FAM131B: variants seen among roughly 807,000 people sequenced by gnomAD.
FAM131B encodes the protein family with sequence similarity 131 member B.
A neutral mutation model predicts 42.0 loss-of-function variants in FAM131B; 19 were observed. The ratio of observed to expected loss-of-function variants is 0.45; its 90% CI spans 0.32 to 0.66. The LOEUF is 0.66. FAM131B is among the 30% of genes least tolerant of loss of function. The pLI, the probability that FAM131B is intolerant of heterozygous loss-of-function variation, is 0.05. For synonymous variants in FAM131B, 183 were observed against 177.6 expected (o/e 1.03, Z -0.24); for missense variants, 370 against 468.4 (o/e 0.79, Z 1.94).
the FAM131B span, among the ~76,000 whole-genome samples, chr7:143,377,684 G>A: frequency 1.3e-5 from 2 of 152,042 alleles, no homozygotes. Flanking sequence ...TGATTAGAAG[G>A]GGCGAATATA....
At chr7:143,381,096 C>T in the FAM131B span, 1 of 603,294 alleles carries the variant, frequency 1.7e-6, no homozygotes, top group Non-Finnish European at 2.1e-6. Flanking sequence ...CGGGCTGGGG[C>T]GGCGGGGGCG....
the FAM131B span, among the ~76,000 whole-genome samples, chr7:143,378,715 T>C: frequency 3.3e-5 from 5 of 152,262 alleles, no homozygotes; most frequent in African/African-American, 1.2e-4. Flanking sequence ...TAGCTGGGAC[T>C]ACACGCTCCC....
the FAM131B span, among the ~76,000 whole-genome samples, chr7:143,375,031 T>A: frequency 6.6e-6 from 1 of 152,220 alleles, no homozygotes; most frequent in Admixed American, 6.5e-5. Context: ...AGGGCTGAGA[T>A]CATGCCTGTC....
At position 143,360,176 on chromosome 7, in the gene FAM131B, G is replaced by A. The variant is rs775841881; in HGVS notation, c.29-27C>T. The stretch of plus-strand genomic sequence containing the variant: ...TGAGGGGGCCAGAAGGTTAGCCGCC[G>A]GCCCTCACCTCCCTGTGCAGCCGAG... On this transcript the variant is annotated intron_variant, in intron 1 of 6. Coordinates refer to ENST00000443739, the MANE Select transcript of FAM131B (RefSeq NM_001031690.3). 2.7e-5 allele frequency: 42 copies of A among 1,579,084 alleles called. No homozygotes were observed. In the Admixed American group the frequency reaches 5.2e-4, roughly 20 times the overall value.
chr7:143,354,978 C>CAGAA lies in FAM131B; in HGVS notation c.*1571_*1572insTTCT, dbSNP rs3841180. 6 of 152,260 alleles carry CAGAA rather than the reference C, an allele frequency of 3.9e-5. No homozygotes were observed. The highest frequency in any genetic ancestry group is 3.4e-3 in the Middle Eastern group (1 of 292). 9.4% of individuals were successfully genotyped at this position (152,260 alleles called of 1,614,324 possible). A position where few individuals can be genotyped will look rare whatever the true frequency, so the allele number is the denominator to read the frequency against. On this transcript the variant is annotated 3_prime_UTR_variant, in exon 7 of 7. Coordinates refer to ENST00000443739, the MANE Select transcript of FAM131B (RefSeq NM_001031690.3). ...GGCCAGGAGAGGACAACAGTGCTCC[C>CAGAA]TTCCAGCAGAGGATGCAAGTGGTAG... is the stretch of plus-strand genomic sequence containing the variant.
At position 143,360,029 on chromosome 7, in the gene FAM131B, T is replaced by A; in HGVS notation, c.138+11A>T. 6.2e-7 allele frequency: 1 copy of A among 1,600,958 alleles called. No homozygotes were observed. The highest frequency in any genetic ancestry group is 8.6e-7 in the Non-Finnish European group (1 of 1,168,672). On this transcript the variant is annotated intron_variant, in intron 2 of 6. Coordinates refer to ENST00000443739, the MANE Select transcript of FAM131B (RefSeq NM_001031690.3). ...CAGCCAGAGACTTGGGGTGGCTGAGTGAGGTCTCACCTCAGTCGATGGCCG... is the reference window on the plus strand; with the variant it reads ...CAGCCAGAGACTTGGGGTGGCTGAGAGAGGTCTCACCTCAGTCGATGGCCG...
the FAM131B span, chr7:143,381,388 G>A: frequency 1.7e-6 from 2 of 1,184,548 alleles, no homozygotes; most frequent in Non-Finnish European, 2.1e-6. Context: ...CCCGAGACGC[G>A]GCGCGCACGC....
At chr7:143,374,493 G>A in the FAM131B span, among the ~76,000 whole-genome samples, 2 of 152,098 alleles carry the variant, frequency 1.3e-5, no homozygotes, top group Non-Finnish European at 2.9e-5. Flanking sequence ...GGCCTCTCCT[G>A]TGACTCTCCA....
At chr7:143,371,697 A>G in the FAM131B span, among the ~76,000 whole-genome samples, 10 of 152,206 alleles carry the variant, frequency 6.6e-5, no homozygotes, top group South Asian at 2.1e-4. Flanking sequence ...TGTCATTCTA[A>G]ACTGGATGGT....
chr7:143,369,047 T>G, the FAM131B span, among the ~76,000 whole-genome samples: 1 of 152,326 alleles, frequency 6.6e-6, no homozygotes, highest in South Asian at 2.1e-4. Flanking sequence ...AGGGCATTAG[T>G]TACAGATGAC....
At chr7:143,372,650 G>C in the FAM131B span, among the ~76,000 whole-genome samples, 391 of 152,272 alleles carry the variant, frequency 2.6e-3, 1 homozygote, top group Non-Finnish European at 3.9e-3. Context: ...TGCCAAAAAA[G>C]TAAAATACCT....
In FAM131B at chr7:143,359,872, C is replaced by A. The variant is rs1803871649; in HGVS notation, c.139-105G>T. On this transcript the variant is annotated intron_variant, in intron 2 of 6. Coordinates refer to ENST00000443739, the MANE Select transcript of FAM131B (RefSeq NM_001031690.3). This position sits in a 1 kb window ranked among gnomAD's most constrained non-coding sequence, Gnocchi z 5.4. ...CCAGGAGTGCGGGATGTGGGGAGGG[C>A]TTTCCTGAGGTTGATGCCGCTAACT... 3 of 1,185,810 alleles carry A rather than the reference C, an allele frequency of 2.5e-6. No homozygotes were observed. The highest frequency in any genetic ancestry group is 3.7e-6 in the Non-Finnish European group (3 of 817,546). The allele number at this position is 1,185,810 out of a possible 1,614,324, so 73.5% of individuals were successfully genotyped here.
the FAM131B span, among the ~76,000 whole-genome samples, chr7:143,369,054 T>C: frequency 6.6e-6 from 1 of 152,340 alleles, no homozygotes; most frequent in African/African-American, 2.4e-5. Flanking sequence ...TAGTTACAGA[T>C]GACTGAGTGT....
At chr7:143,381,764 C>T in the FAM131B span, 4 of 1,577,170 alleles carry the variant, frequency 2.5e-6, no homozygotes, top group Non-Finnish European at 2.6e-6. Context: ...CGAGATTCCC[C>T]CGCCGCCCCC....
chr7:143,381,773 C>CCGGAAGGTATGCGGCGG, the FAM131B span: 2 of 1,573,904 alleles, frequency 1.3e-6, no homozygotes, highest in Non-Finnish European at 8.6e-7. Context: ...CCCGCCGCCC[C>CCGGAAGGTATGCGGCGG]CGGAAGGTAT....
chr7:143,365,198 G>A (rs1445025633), upstream of FAM131B, among the ~76,000 whole-genome samples: 1 of 152,226 alleles, frequency 6.6e-6, no homozygotes, highest in African/African-American at 2.4e-5. Flanking sequence ...AGGGATGGGA[G>A]CAGAGCTCAG....
At chr7:143,361,672 G>A (rs1013011306) in intron 1 of FAM131B, 1 of 152,026 alleles carries the variant, frequency 6.6e-6, no homozygotes, top group African/African-American at 2.4e-5. Flanking sequence ...TGAGCGGCGA[G>A]AGTGGAGTGG....
chr7:143,357,256 T>C (rs1237925948), intron 6 of FAM131B, 24 bp downstream of exon 6: 1 of 1,612,074 alleles, frequency 6.2e-7, no homozygotes, highest in African/African-American at 1.3e-5. Context: ...GGCTCCAGAG[T>C]TTGGATTCTG....
At chr7:143,374,286 C>T in the FAM131B span, among the ~76,000 whole-genome samples, 18 of 152,234 alleles carry the variant, frequency 1.2e-4, no homozygotes, top group African/African-American at 3.4e-4. Context: ...GAGAGTGCCA[C>T]GCTCCACATA....
Sources: gnomAD v4.1 joint callset for allele counts (sites outside exome capture counted in the v4.1 genomes callset) on GRCh38, gnomAD v4.1.1 for gene constraint, Gnocchi (gnomAD v3.1) non-coding constraint, MANE v1.5 for transcripts, NCBI Gene and HGNC (gene_info 2026-07-23, HGNC 2026-07-21) for gene names.